Variants in PXDNL observed in about 807,000 individuals in gnomAD.
PXDNL encodes the protein peroxidasin like.
Under a neutral mutation model 150.8 loss-of-function variants are expected in PXDNL, and 145 were observed. The observed-to-expected ratio is 0.96, with a 90% CI of 0.84 to 1.10. The LOEUF (loss-of-function observed/expected upper bound fraction) is 1.10. Among genes scored for constraint, PXDNL ranks in the 50% least tolerant of loss-of-function variants. The pLI, the probability that PXDNL is intolerant of heterozygous loss-of-function variation, is 0.00. For synonymous variants in PXDNL, 757 were observed against 725.7 expected, an observed-to-expected ratio of 1.04 and a Z score of -0.69; for missense variants, 2,087 against 1,873.9, an observed-to-expected ratio of 1.11 and a Z score of -2.10.
chr8:51,379,061 T>C (rs927565182), intron 17 of PXDNL, among the ~76,000 whole-genome samples: 5 of 152,200 alleles, frequency 3.3e-5, no homozygotes, highest in African/African-American at 1.2e-4. Flanking sequence ...CTTTTCTGCA[T>C]TTTTTCTTCT....
chr8:51,743,600 T>G (rs1175643093), intron 1 of PXDNL, among the ~76,000 whole-genome samples: 1 of 152,138 alleles, frequency 6.6e-6, no homozygotes, highest in Non-Finnish European at 1.5e-5. Context: ...CAGGCTGGTC[T>G]TGAACTCCTG....
At chr8:51,544,088 C>G (rs981102485) in intron 4 of PXDNL, among the ~76,000 whole-genome samples, 1 of 152,196 alleles carries the variant, frequency 6.6e-6, no homozygotes, top group African/African-American at 2.4e-5. Context: ...AAACATCCAG[C>G]TAACAGGATG....
At chr8:51,324,106 A>AT (rs1438640793) in intron 21 of PXDNL, among the ~76,000 whole-genome samples, 4 of 151,962 alleles carry the variant, frequency 2.6e-5, no homozygotes, top group Non-Finnish European at 5.9e-5. Context: ...AATGCCATTA[A>AT]TTTTTTCTAC....
chr8:51,392,255 G>A (rs1371135369), intron 17 of PXDNL, among the ~76,000 whole-genome samples: 1 of 152,148 alleles, frequency 6.6e-6, no homozygotes, highest in East Asian at 1.9e-4. Context: ...CTTTAAAATA[G>A]TTTTTTCCAC....
chr8:51,412,760 C>T (rs147304894), intron 15 of PXDNL, among the ~76,000 whole-genome samples: 126 of 152,298 alleles, frequency 8.3e-4, no homozygotes, highest in Non-Finnish European at 1.6e-3. Context: ...TGCCAAATAT[C>T]CTAAACATAA....
At chr8:51,512,053 C>A (rs184807130) in intron 4 of PXDNL, among the ~76,000 whole-genome samples, 33 of 152,240 alleles carry the variant, frequency 2.2e-4, no homozygotes, top group African/African-American at 7.9e-4. Context: ...GAACAATGCT[C>A]GACAGATCAG....
intron 19 of PXDNL, among the ~76,000 whole-genome samples, chr8:51,347,498 T>C (rs1375096987): frequency 1.3e-5 from 2 of 152,218 alleles, no homozygotes; most frequent in African/African-American, 2.4e-5. Context: ...GTTATGGTTG[T>C]TACTTGTTTT....
chr8:51,708,211 G>A (rs891785379), intron 1 of PXDNL, among the ~76,000 whole-genome samples: 2 of 152,200 alleles, frequency 1.3e-5, no homozygotes, highest in Non-Finnish European at 2.9e-5. Flanking sequence ...GTAAGTCAGA[G>A]TATGATGAGC....
intron 15 of PXDNL, among the ~76,000 whole-genome samples, chr8:51,412,155 GT>G (rs895429244): frequency 6.6e-6 from 1 of 152,172 alleles, no homozygotes; most frequent in African/African-American, 2.4e-5. Flanking sequence ...GAAGCAAACT[GT>G]TTTAGAGACT....
intron 2 of PXDNL, among the ~76,000 whole-genome samples, chr8:51,646,183 C>T (rs1814916095): frequency 6.6e-6 from 1 of 152,114 alleles, no homozygotes; most frequent in African/African-American, 2.4e-5. Flanking sequence ...GATCCAGTGA[C>T]ACTGGTGTCC....
At chr8:51,488,292 C>T (rs1810813185) in intron 5 of PXDNL, among the ~76,000 whole-genome samples, 1 of 152,054 alleles carries the variant, frequency 6.6e-6, no homozygotes, top group Non-Finnish European at 1.5e-5. Flanking sequence ...AAAGCTGCAG[C>T]CCAGAGAATC....
intron 17 of PXDNL, among the ~76,000 whole-genome samples, chr8:51,376,962 CCCT>C (rs541507342): frequency 5.0e-4 from 76 of 152,252 alleles, no homozygotes; most frequent in African/African-American, 1.8e-3. Context: ...TCCTGATCCA[CCCT>C]CCTCAGCCTC....
At chr8:51,716,408 C>G (rs577126128) in intron 1 of PXDNL, among the ~76,000 whole-genome samples, 7 of 151,510 alleles carry the variant, frequency 4.6e-5, no homozygotes, top group Admixed American at 1.3e-4. Flanking sequence ...CTTGCTGATT[C>G]CATGGAATGA....
intron 1 of PXDNL, among the ~76,000 whole-genome samples, chr8:51,786,521 C>T (rs1321100720): frequency 6.6e-6 from 1 of 151,978 alleles, no homozygotes; most frequent in Non-Finnish European, 1.5e-5. Context: ...CCTCACTCCC[C>T]GACCCCCATC....
At chr8:51,598,914 A>G (rs186420931) in intron 2 of PXDNL, among the ~76,000 whole-genome samples, 8 of 152,204 alleles carry the variant, frequency 5.3e-5, no homozygotes, top group African/African-American at 1.9e-4. Flanking sequence ...CAATTTTGGA[A>G]GTTGATATTG....
At chr8:51,404,925 G>T (rs1475689885) in intron 17 of PXDNL, among the ~76,000 whole-genome samples, 11 of 152,162 alleles carry the variant, frequency 7.2e-5, no homozygotes, top group Non-Finnish European at 1.5e-4. Flanking sequence ...GGCAAGGGTT[G>T]GGGGAGGCTC....
At chr8:51,665,103 A>T (rs1328910460) in intron 1 of PXDNL, among the ~76,000 whole-genome samples, 1 of 152,118 alleles carries the variant, frequency 6.6e-6, no homozygotes, top group African/African-American at 2.4e-5. Flanking sequence ...TGGCTGCCAC[A>T]CTGGAATGTG....
intron 1 of PXDNL, among the ~76,000 whole-genome samples, chr8:51,793,380 A>G (rs918318454): frequency 6.6e-6 from 1 of 152,258 alleles, no homozygotes; most frequent in Non-Finnish European, 1.5e-5. Context: ...TGAAGATGAG[A>G]AAGAATCAAC....
intron 1 of PXDNL, among the ~76,000 whole-genome samples, chr8:51,733,677 G>A (rs925795443): frequency 7.3e-5 from 11 of 151,560 alleles, no homozygotes; most frequent in African/African-American, 2.7e-4. Flanking sequence ...GCATAGTGGC[G>A]GGCACCTGTA....
Sources: gnomAD v4.1 joint callset for allele counts (sites outside exome capture counted in the v4.1 genomes callset) on GRCh38, gnomAD v4.1.1 for gene constraint, MANE v1.5 for transcripts, NCBI Gene and HGNC (gene_info 2026-07-23, HGNC 2026-07-21) for gene names.